Variants in NPY observed in about 807,000 individuals in gnomAD.
NPY encodes pro-neuropeptide Y.
A neutral mutation model predicts 13.2 loss-of-function variants in NPY; 11 were observed. The observed-to-expected ratio is 0.83, with a 90% CI of 0.52 to 1.38. NPY has a LOEUF of 1.38. NPY is among the 40% of genes most tolerant of loss of function. NPY has a pLI of 0.00. For synonymous variants in NPY, 51 were observed against 55.6 expected, an observed-to-expected ratio of 0.92 and a Z score of 0.37; for missense variants, 109 against 125.1, an observed-to-expected ratio of 0.87 and a Z score of 0.61.
chr7:24,285,577 T>A lies in NPY; in HGVS notation c.188+149T>A. ...GCACTTAGTCAGCTCTAGGTAAATGTTTGTACAGGGCACACTCTACACAAA... is the reference window on the plus strand; with the variant it reads ...GCACTTAGTCAGCTCTAGGTAAATGATTGTACAGGGCACACTCTACACAAA... On this transcript the variant is annotated intron_variant, in intron 2 of 3. Transcript: ENST00000242152. The surrounding 1 kb of genome is among the most constrained non-coding windows in gnomAD (Gnocchi z 4.9). 1 of 762,596 alleles carries A rather than the reference T, an allele frequency of 1.3e-6. No homozygotes were observed. The highest frequency in any genetic ancestry group is 2.1e-6 in the Non-Finnish European group (1 of 480,844). 47.2% of individuals were successfully genotyped at this position (762,596 alleles called of 1,614,324 possible). A position where few individuals can be genotyped will look rare whatever the true frequency, so the allele number is the denominator to read the frequency against.
chr7:24,288,687 G>GAAAAAAAAAA (rs59946765), intron 2 of NPY, among the ~76,000 whole-genome samples: 2 of 89,030 alleles, frequency 2.2e-5, no homozygotes, highest in Non-Finnish European at 2.4e-5. Context: ...TGCTACAGGA[G>GAAAAAAAAAA]AAAAAAAAAA....
intron 2 of NPY, among the ~76,000 whole-genome samples, chr7:24,287,650 C>T (rs1787442243): frequency 6.6e-6 from 1 of 152,060 alleles, no homozygotes; most frequent in Non-Finnish European, 1.5e-5. Flanking sequence ...TTGGCAGTGT[C>T]TGGAGACATT....
Position 24,291,835 on chromosome 7 carries a change from GT to G in NPY, c.*151del. On this transcript the variant is annotated 3_prime_UTR_variant, in exon 4 of 4. Transcript: ENST00000242152. ...CTTTGTCATCATTGTATATATGTGT[GT>G]TTAAATAAAGTATCATGCATTCAAA... The G allele has an allele frequency of 1.3e-6, 1 of 776,558 alleles. No individual in the cohort carries two copies. The highest frequency in any genetic ancestry group is 2.1e-6 in the Non-Finnish European group (1 of 482,328). The allele number at this position is 776,558 out of a possible 1,614,324, so 48.1% of individuals were successfully genotyped here.
chr7:24,285,044 G>A lies in NPY; in HGVS notation c.1-197G>A. 1 of 609,042 alleles carries A rather than the reference G, an allele frequency of 1.6e-6. No homozygotes were observed. The allele number at this position is 609,042 out of a possible 1,614,324, so 37.7% of individuals were successfully genotyped here. ...AGTTTTCAGGTGGAGCAGAGGGGCAGGTCCCGACCGGACGGCGCCCGGAGC... is the reference window on the plus strand; with the variant it reads ...AGTTTTCAGGTGGAGCAGAGGGGCAAGTCCCGACCGGACGGCGCCCGGAGC... On this transcript the variant is annotated intron_variant, in intron 1 of 3. Coordinates refer to ENST00000242152, the MANE Select transcript of NPY (RefSeq NM_000905.4). The surrounding 1 kb of genome is among the most constrained non-coding windows in gnomAD (Gnocchi z 4.9).
chr7:24,288,018 G>A (rs1028868908), intron 2 of NPY, among the ~76,000 whole-genome samples: 4 of 152,184 alleles, frequency 2.6e-5, no homozygotes, highest in Middle Eastern at 3.2e-3. Context: ...GCATTGTAGA[G>A]GGGAAGGATG....
chr7:24,290,772 A>ATTATTATTATTATTATTATT (rs1554351538), intron 3 of NPY, among the ~76,000 whole-genome samples: 35 of 9,500 alleles, frequency 3.7e-3, no homozygotes, highest in African/African-American at 0.014. Flanking sequence ...TAATAATAAT[A>ATTATTATTATTATTATTATT]ATAATTATTA....
chr7:24,287,221 T>A (rs755956869), intron 2 of NPY, among the ~76,000 whole-genome samples: 1 of 152,164 alleles, frequency 6.6e-6, no homozygotes, highest in Non-Finnish European at 1.5e-5. Flanking sequence ...TGGCAAGAGA[T>A]TCAGCTTAGA....
Position 24,285,312 on chromosome 7 carries a change from G to A in NPY, c.72G>A (p.Ala24=). The A allele has an allele frequency of 8.1e-6, 13 of 1,614,020 alleles. No homozygotes were observed. Among genetic ancestry groups the A allele is most frequent in the Non-Finnish European group, 1.0e-5 (12 of 1,180,018 alleles). ...TGTCCCTGCTCGTGTGCCTGGGTGC[G>A]CTGGCCGAGGCGTACCCCTCCAAGC... The part of the protein sequence containing the change: ...LALSLLVCLG[A]LAEAYPSKPD... The change falls in exon 2 of 4, where the codon GCG becomes GCA. Residue 24 remains alanine, a synonymous_variant. Coordinates refer to ENST00000242152, the MANE Select transcript of NPY (RefSeq NM_000905.4). This position sits in a 1 kb window ranked among gnomAD's most constrained non-coding sequence, Gnocchi z 4.9.
At position 24,285,298 on chromosome 7, in the gene NPY, G is replaced by T. The variant is rs371687880; in HGVS notation, c.58G>T (p.Val20Leu). The T allele has an allele frequency of 1.2e-6, 2 of 1,614,074 alleles. No homozygotes were observed. The highest frequency in any genetic ancestry group is 2.2e-5 in the East Asian group (1 of 44,868). ...ACTGACCCTCGCCCTGTCCCTGCTC[G>T]TGTGCCTGGGTGCGCTGGCCGAGGC... ...SGLTLALSLLVCLGALAEAYP... is the reference protein window; with the variant it reads ...SGLTLALSLLLCLGALAEAYP... Residue 20 changes from valine to leucine, a missense_variant, in exon 2 of 4, where the codon GTG (valine) becomes TTG (leucine). Coordinates refer to ENST00000242152, the MANE Select transcript of NPY (RefSeq NM_000905.4). The surrounding 1 kb of genome is among the most constrained non-coding windows in gnomAD (Gnocchi z 4.9).
chr7:24,291,792 G>A lies in NPY; in HGVS notation c.*105G>A. 7.9e-7 allele frequency: 1 copy of A among 1,264,010 alleles called. No individual in the cohort carries two copies. Among genetic ancestry groups the A allele is most frequent in the Non-Finnish European group, 1.2e-6 (1 of 869,150 alleles). 78.3% of individuals were successfully genotyped at this position (1,264,010 alleles called of 1,614,324 possible). A position where few individuals can be genotyped will look rare whatever the true frequency, so the allele number is the denominator to read the frequency against. On this transcript the variant is annotated 3_prime_UTR_variant, in exon 4 of 4. Transcript: ENST00000242152. ...TACCAATGCATGCAGCCACTGTGCT[G>A]AATTCTGCAATGTTTTCCTTTGTCA...
intron 2 of NPY, among the ~76,000 whole-genome samples, chr7:24,287,796 G>A (rs1411749671): frequency 6.6e-6 from 1 of 152,184 alleles, no homozygotes; most frequent in Non-Finnish European, 1.5e-5. Flanking sequence ...CTCAGCCTTA[G>A]ATTAGTGTTT....
chr7:24,289,465 C>A (rs369853336), intron 2 of NPY, 34 bp from the exon 3 acceptor site: 2 of 1,526,346 alleles, frequency 1.3e-6, no homozygotes, highest in South Asian at 1.2e-5. Context: ...TATGCCTATT[C>A]CAAACTTGCT....
rs758262699 is a variant in NPY, at chr7:24,285,218, C to T, written c.1-23C>T. 15 of 1,613,318 alleles carry T rather than the reference C, an allele frequency of 9.3e-6. No homozygotes were observed. The highest frequency in any genetic ancestry group is 3.3e-5 in the South Asian group (3 of 91,028). ...GGTGCTCTGAATCCCCAAGCCCGTC[C>T]GTTGAGCCTTCTGTGCCTGCAGATG... is the stretch of plus-strand genomic sequence containing the variant. On this transcript the variant is annotated intron_variant, in intron 1 of 3. Transcript: ENST00000242152. This position sits in a 1 kb window ranked among gnomAD's most constrained non-coding sequence, Gnocchi z 4.9.
chr7:24,291,741 C>CGT lies in NPY; in HGVS notation c.*57_*58dup, dbSNP rs1336946167. ...TTCCTATTTTCAGCCCATATTTCATCGTGTAAAACGAGAATCCACCCATCC... is the reference window on the plus strand; with the variant it reads ...TTCCTATTTTCAGCCCATATTTCATCGTGTGTAAAACGAGAATCCACCCATCC... On this transcript the variant is annotated 3_prime_UTR_variant, in exon 4 of 4. Coordinates refer to ENST00000242152, the MANE Select transcript of NPY (RefSeq NM_000905.4). The CGT allele has an allele frequency of 2.9e-5, 46 of 1,606,148 alleles. No individual in the cohort carries two copies. The highest frequency in any genetic ancestry group is 3.4e-5 in the Non-Finnish European group (40 of 1,173,374).
At chr7:24,288,994 GAC>G (rs1431706729) in intron 2 of NPY, among the ~76,000 whole-genome samples, 23 of 152,236 alleles carry the variant, frequency 1.5e-4, no homozygotes, top group Admixed American at 1.4e-3. Context: ...GGGATTCAAA[GAC>G]ACAGGTGGGT....
chr7:24,290,894 C>G (rs1787578027), intron 3 of NPY, among the ~76,000 whole-genome samples: 1 of 151,794 alleles, frequency 6.6e-6, no homozygotes, highest in Admixed American at 6.6e-5. Flanking sequence ...CCCTCCTCAG[C>G]CTGCCCAAGT....
At chr7:24,290,382 C>A (rs894749335) in intron 3 of NPY, among the ~76,000 whole-genome samples, 1 of 152,138 alleles carries the variant, frequency 6.6e-6, no homozygotes, top group Non-Finnish European at 1.5e-5. Context: ...GGTCCACCCA[C>A]GTCTGTGGCA....
At position 24,289,509 on chromosome 7, in the gene NPY, C is replaced by A. The variant is rs749501759; in HGVS notation, c.199C>A (p.Arg67=). 5 of 1,587,204 alleles carry A rather than the reference C, an allele frequency of 3.2e-6. No homozygotes were observed. The African/African-American group carries it at 5.5e-5, about 17-fold the overall frequency. The change falls in exon 3 of 4, where the codon CGA becomes AGA. Residue 67 remains arginine, a synonymous_variant. Transcript: ENST00000242152. ...CTTTTTTTTTTCCAGATATGGAAAA[C>A]GATCCAGCCCAGAGACACTGATTTC... is the stretch of plus-strand genomic sequence containing the variant. ...NLITRQRYGK[R]SSPETLISDL...
rs1404377443 is a variant in NPY at position 24,289,521 on chromosome 7, G to A, written c.211G>A (p.Glu71Lys). The A allele has an allele frequency of 6.2e-6, 10 of 1,609,412 alleles. No homozygotes were observed. Among genetic ancestry groups the A allele is most frequent in the Non-Finnish European group, 8.5e-6 (10 of 1,177,860 alleles). ...CAGATATGGAAAACGATCCAGCCCAGAGACACTGATTTCAGACCTCTTGAT... is the reference window on the plus strand; with the variant it reads ...CAGATATGGAAAACGATCCAGCCCAAAGACACTGATTTCAGACCTCTTGAT... ...RQRYGKRSSP[E>K]TLISDLLMRE... is the part of the protein sequence containing the mutation. Residue 71 changes from glutamate to lysine, a missense_variant, in exon 3 of 4, where the codon GAG becomes AAG. Coordinates refer to ENST00000242152, the MANE Select transcript of NPY (RefSeq NM_000905.4).
Sources: gnomAD v4.1 joint callset for allele counts (sites outside exome capture counted in the v4.1 genomes callset) on GRCh38, gnomAD v4.1.1 for gene constraint, Gnocchi (gnomAD v3.1) non-coding constraint, MANE v1.5 for transcripts, NCBI Gene and HGNC (gene_info 2026-07-23, HGNC 2026-07-21) for gene names.